The following SELENOF variants were observed in gnomAD, a reference collection of about 807,000 sequenced individuals.
The protein encoded by SELENOF is 15 kDa selenoprotein.
Under a neutral mutation model 20.5 loss-of-function variants are expected in SELENOF, and 16 were observed. That is an observed-to-expected ratio of 0.78 (90% CI 0.53 to 1.19). The LOEUF is 1.19. Among genes scored for constraint, SELENOF ranks in the 50% most tolerant of loss-of-function variants. SELENOF has a pLI of 0.00. For synonymous variants in SELENOF, 78 were observed against 74.5 expected, an observed-to-expected ratio of 1.05 and a Z score of -0.24; for missense variants, 215 against 194.2, an observed-to-expected ratio of 1.11 and a Z score of -0.64.
chr1:86,907,927 A>G (rs1473265296), intron 1 of SELENOF, among the ~76,000 whole-genome samples: 1 of 151,582 alleles, frequency 6.6e-6, no homozygotes, highest in Non-Finnish European at 1.5e-5. Flanking sequence ...CGGAGATTGC[A>G]GTAAGCTGAG....
At chr1:86,886,728 A>G (rs187288261) in intron 2 of SELENOF, among the ~76,000 whole-genome samples, 1 of 152,252 alleles carries the variant, frequency 6.6e-6, no homozygotes, top group African/African-American at 2.4e-5. Flanking sequence ...CAAAAGCAAA[A>G]ATTTTTACTG....
chr1:86,875,733 T>C (rs1052517507), intron 3 of SELENOF, among the ~76,000 whole-genome samples: 3 of 152,218 alleles, frequency 2.0e-5, no homozygotes, highest in Admixed American at 6.5e-5. Context: ...TATAATCTTA[T>C]GTAGGAGGTG....
intron 3 of SELENOF, among the ~76,000 whole-genome samples, chr1:86,879,382 G>A (rs1180385022): frequency 1.3e-5 from 2 of 152,110 alleles, no homozygotes; most frequent in South Asian, 2.1e-4. Context: ...ATCAGAATGT[G>A]TTATTCTAAC....
At chr1:86,898,412 A>G (rs1659581603) in intron 2 of SELENOF, among the ~76,000 whole-genome samples, 1 of 152,186 alleles carries the variant, frequency 6.6e-6, no homozygotes, top group African/African-American at 2.4e-5. Flanking sequence ...CAAAGTCTAA[A>G]TTCAGTTTGT....
At chr1:86,882,182 A>G (rs1206753425) in intron 2 of SELENOF, among the ~76,000 whole-genome samples, 5 of 148,198 alleles carry the variant, frequency 3.4e-5, no homozygotes, top group Middle Eastern at 3.2e-3. Flanking sequence ...CAGTGAGCCG[A>G]AGGTTGCAGT....
At chr1:86,878,214 C>T (rs1193937098) in intron 3 of SELENOF, among the ~76,000 whole-genome samples, 3 of 152,042 alleles carry the variant, frequency 2.0e-5, no homozygotes, top group Non-Finnish European at 2.9e-5. Context: ...ATAGGTAAAA[C>T]ATACCAAAAT....
chr1:86,867,930 T>G (rs902437584), intron 4 of SELENOF, 123 bp downstream of exon 4: 2 of 418,776 alleles, frequency 4.8e-6, no homozygotes, highest in Non-Finnish European at 8.3e-6. Flanking sequence ...AATTAAAAAT[T>G]TAAATTGATA....
intron 2 of SELENOF, among the ~76,000 whole-genome samples, chr1:86,894,792 G>A (rs563002347): frequency 8.5e-5 from 13 of 152,244 alleles, no homozygotes; most frequent in Admixed American, 2.0e-4. Flanking sequence ...AGCTATGACT[G>A]CACCACTACA....
At chr1:86,889,168 T>C (rs1659314700) in intron 2 of SELENOF, among the ~76,000 whole-genome samples, 1 of 152,150 alleles carries the variant, frequency 6.6e-6, no homozygotes, top group Non-Finnish European at 1.5e-5. Flanking sequence ...ATTCCACACA[T>C]TTAAAATTTT....
intron 3 of SELENOF, among the ~76,000 whole-genome samples, chr1:86,871,424 T>G (rs897300470): frequency 6.6e-6 from 1 of 152,148 alleles, no homozygotes; most frequent in African/African-American, 2.4e-5. Context: ...GACATAATAC[T>G]AAAGGATTCA....
intron 3 of SELENOF, among the ~76,000 whole-genome samples, chr1:86,868,963 A>G (rs1658682698): frequency 6.6e-6 from 1 of 152,244 alleles, no homozygotes; most frequent in African/African-American, 2.4e-5. Flanking sequence ...ATGTATAGCA[A>G]TATGTACAAA....
intron 2 of SELENOF, among the ~76,000 whole-genome samples, chr1:86,892,612 A>T (rs1187867594): frequency 6.6e-6 from 1 of 152,242 alleles, no homozygotes; most frequent in Non-Finnish European, 1.5e-5. Context: ...GTTTAAGCTG[A>T]CTTATGAGTA....
intron 3 of SELENOF, among the ~76,000 whole-genome samples, chr1:86,869,455 G>A (rs1453528907): frequency 6.6e-6 from 1 of 152,030 alleles, no homozygotes; most frequent in Non-Finnish European, 1.5e-5. Flanking sequence ...TCCTACTGTT[G>A]TTTTAAAAAG....
intron 3 of SELENOF, among the ~76,000 whole-genome samples, chr1:86,870,743 C>A (rs1658740385): frequency 6.6e-6 from 1 of 152,122 alleles, no homozygotes; most frequent in Non-Finnish European, 1.5e-5. Flanking sequence ...CTCAGCCTAC[C>A]CAGCAGCTGG....
In SELENOF at chr1:86,865,894, A is replaced by C. The variant is rs545074058; in HGVS notation, c.366+2159T>G. On this transcript the variant is annotated intron_variant, in intron 4 of 4. Coordinates refer to ENST00000331835, the MANE Select transcript of SELENOF (RefSeq NM_004261.5). ...AACTCAAATGTCCACTGATGGATGC[A>C]TGGGTAAAGAAAATGGGAGCTGGGC... Among the ~76,000 whole-genome samples the C allele has an allele frequency of 5.3e-5, 8 of 152,264 alleles. No individual in the cohort carries two copies. In the South Asian group the frequency reaches 8.3e-4, roughly 16 times the overall value.
intron 3 of SELENOF, among the ~76,000 whole-genome samples, chr1:86,878,221 A>C (rs190685427): frequency 6.6e-6 from 1 of 152,358 alleles, no homozygotes; most frequent in Admixed American, 6.5e-5. Context: ...AAACATACCA[A>C]AATTTAAATC....
At chr1:86,911,149 T>C (rs532336140) in intron 1 of SELENOF, among the ~76,000 whole-genome samples, 43 of 152,330 alleles carry the variant, frequency 2.8e-4, no homozygotes, top group African/African-American at 8.9e-4. Context: ...AGAATAAATA[T>C]TGATCACCAC....
At chr1:86,880,323 A>C (rs1659033997) in intron 3 of SELENOF, among the ~76,000 whole-genome samples, 1 of 151,998 alleles carries the variant, frequency 6.6e-6, no homozygotes, top group African/African-American at 2.4e-5. Context: ...TTTAGTAGAG[A>C]TGGGGTTTCA....
At chr1:86,892,165 C>T (rs548072336) in intron 2 of SELENOF, among the ~76,000 whole-genome samples, 37 of 138,700 alleles carry the variant, frequency 2.7e-4, no homozygotes, top group South Asian at 1.7e-3. Flanking sequence ...ATCTCCTGAC[C>T]GCATGATCCA....
Sources: allele counts gnomAD v4.1 joint callset (sites outside exome capture counted in the v4.1 genomes callset), GRCh38; gene constraint gnomAD v4.1.1; transcripts MANE v1.5; gene names NCBI Gene and HGNC (gene_info 2026-07-23, HGNC 2026-07-21).